The following CEP170 variants were observed in gnomAD, a reference collection of about 807,000 sequenced individuals.
CEP170 encodes centrosomal protein of 170 kDa.
Under a neutral mutation model 151.9 loss-of-function variants are expected in CEP170, and 21 were observed. That is an observed-to-expected ratio of 0.14 (90% CI 0.10 to 0.20). The LOEUF (loss-of-function observed/expected upper bound fraction) is 0.20, where lower values mean the gene tolerates loss of function less well. Among genes scored for constraint, CEP170 ranks in the 10% least tolerant of loss-of-function variants. The probability of loss-of-function intolerance (pLI) is 1.00; values close to 1 mark genes in which losing one functional copy is unlikely to be tolerated. For missense variants in CEP170, 964 were observed against 1,892.9 expected (o/e 0.51, Z 9.11); for synonymous variants, 356 against 648.8 (o/e 0.55, Z 6.86).
intron 3 of CEP170, among the ~76,000 whole-genome samples, chr1:243,215,166 T>C (rs982985151): frequency 1.3e-5 from 2 of 152,242 alleles, no homozygotes; most frequent in African/African-American, 4.8e-5. Flanking sequence ...CTTTAATCTC[T>C]TAATCCCGTC....
At chr1:243,168,985 A>G (rs890811680) in intron 12 of CEP170, among the ~76,000 whole-genome samples, 2 of 126,086 alleles carry the variant, frequency 1.6e-5, no homozygotes, top group Non-Finnish European at 3.4e-5. Flanking sequence ...TTATTTTTAA[A>G]TTTTAACTTA....
At position 243,242,297 on chromosome 1, in the gene CEP170, C is replaced by T. The variant is rs2064927652; in HGVS notation, c.-42+12743G>A. Among the ~76,000 whole-genome samples the T allele has an allele frequency of 6.6e-5, 10 of 152,112 alleles. No homozygotes were observed. In the South Asian group the frequency reaches 2.1e-3, roughly 31 times the overall value. On this transcript the variant is annotated intron_variant, in intron 1 of 19. Coordinates refer to ENST00000366542, the MANE Select transcript of CEP170 (RefSeq NM_014812.3). ...GCAGTGGCGTGATCTCTGCTCAATA[C>T]AAGCTCCACCTCCCGGGTTCACGCC...
intron 10 of CEP170, among the ~76,000 whole-genome samples, chr1:243,180,800 T>C (rs938936642): frequency 3.4e-4 from 51 of 152,196 alleles, no homozygotes; most frequent in Non-Finnish European, 1.6e-4. Flanking sequence ...ATGTTTCTAG[T>C]TTTGTTATAG....
intron 14 of CEP170, among the ~76,000 whole-genome samples, chr1:243,153,933 C>T (rs1413845345): frequency 6.6e-6 from 1 of 152,220 alleles, no homozygotes; most frequent in Non-Finnish European, 1.5e-5. Flanking sequence ...TCTTACATTC[C>T]TACTCGATGG....
At chr1:243,199,232 A>T (rs775562732) in intron 6 of CEP170, 38 bp from the exon 7 acceptor site, 2 of 1,594,520 alleles carry the variant, frequency 1.3e-6, no homozygotes, top group East Asian at 4.5e-5. Context: ...AAAGCAGATG[A>T]AACAGAAAAG....
chr1:243,215,775 C>T (rs2062216739), intron 3 of CEP170, among the ~76,000 whole-genome samples: 1 of 152,072 alleles, frequency 6.6e-6, no homozygotes, highest in Admixed American at 6.6e-5. Flanking sequence ...GTGACCCACA[C>T]CCTATTCATA....
intron 1 of CEP170, among the ~76,000 whole-genome samples, chr1:243,243,334 G>A (rs2065042307): frequency 6.6e-6 from 1 of 152,066 alleles, no homozygotes; most frequent in Non-Finnish European, 1.5e-5. Flanking sequence ...AAGGGTAGGG[G>A]GACAGTGGAA....
At chr1:243,234,508 C>T (rs755836826) in intron 1 of CEP170, among the ~76,000 whole-genome samples, 1 of 152,140 alleles carries the variant, frequency 6.6e-6, no homozygotes, top group Non-Finnish European at 1.5e-5. Context: ...TAATCTGAAC[C>T]AGCAGTAAAG....
intron 17 of CEP170, chr1:243,135,655 G>A (rs935755295): frequency 5.3e-5 from 8 of 152,180 alleles, no homozygotes; most frequent in African/African-American, 1.4e-4. Flanking sequence ...TGCGAACTTC[G>A]TTTACAGTAA....
At chr1:243,139,349 G>A (rs747707469) in intron 16 of CEP170, among the ~76,000 whole-genome samples, 3 of 151,954 alleles carry the variant, frequency 2.0e-5, no homozygotes, top group Non-Finnish European at 4.4e-5. Context: ...TGATCTGCCC[G>A]CCTCGGTATT....
At chr1:243,138,009 CAT>C (rs1200378000) in intron 16 of CEP170, among the ~76,000 whole-genome samples, 1 of 151,702 alleles carries the variant, frequency 6.6e-6, no homozygotes, top group East Asian at 1.9e-4. Flanking sequence ...GGATGGAAGA[CAT>C]ATACAAATTA....
chr1:243,156,136 A>G (rs1397162495), intron 14 of CEP170, 85 bp downstream of exon 14: 1 of 1,453,596 alleles, frequency 6.9e-7, no homozygotes, highest in East Asian at 2.5e-5. Flanking sequence ...CTATTAGTAA[A>G]AATCAAGTAC....
chr1:243,201,727 A>G (rs2061048633), intron 4 of CEP170, among the ~76,000 whole-genome samples: 2 of 152,154 alleles, frequency 1.3e-5, no homozygotes, highest in South Asian at 2.1e-4. Context: ...TGTTAAAATA[A>G]TAAAAATTCA....
At chr1:243,193,717 A>C (rs1200547997) in intron 7 of CEP170, among the ~76,000 whole-genome samples, 2 of 152,064 alleles carry the variant, frequency 1.3e-5, no homozygotes, top group African/African-American at 4.8e-5. Context: ...GAAAGGCAGC[A>C]GACTATGATC....
intron 1 of CEP170, among the ~76,000 whole-genome samples, chr1:243,243,994 C>T (rs997836187): frequency 6.6e-6 from 1 of 151,950 alleles, no homozygotes; most frequent in Admixed American, 6.6e-5. Context: ...TTTTAACTGT[C>T]TTTTTTTTAA....
At chr1:243,207,339 G>A (rs2061491384) in intron 4 of CEP170, among the ~76,000 whole-genome samples, 2 of 152,148 alleles carry the variant, frequency 1.3e-5, no homozygotes, top group South Asian at 2.1e-4. Flanking sequence ...CATCAAGATA[G>A]CATAATAATC....
At chr1:243,177,320 T>G (rs551274579) in intron 10 of CEP170, among the ~76,000 whole-genome samples, 1 of 152,294 alleles carries the variant, frequency 6.6e-6, no homozygotes, top group South Asian at 2.1e-4. Flanking sequence ...TTAAAAAATA[T>G]CCAAATCAGT....
At chr1:243,200,467 G>C (rs577085761) in intron 6 of CEP170, 51 bp downstream of exon 6, 1 of 1,578,710 alleles carries the variant, frequency 6.3e-7, no homozygotes, top group African/African-American at 1.4e-5. Context: ...AAAGCATGCA[G>C]TGTCTTCAAG....
At chr1:243,184,391 C>T (rs1396192030) in intron 10 of CEP170, among the ~76,000 whole-genome samples, 3 of 151,880 alleles carry the variant, frequency 2.0e-5, no homozygotes, top group Non-Finnish European at 4.4e-5. Context: ...AAATCCTTCA[C>T]TGCAAAATAA....
Sources: gnomAD v4.1 joint callset for allele counts (sites outside exome capture counted in the v4.1 genomes callset) on GRCh38, gnomAD v4.1.1 for gene constraint, MANE v1.5 for transcripts, NCBI Gene and HGNC (gene_info 2026-07-23, HGNC 2026-07-21) for gene names.